Variants in OBSL1 observed in about 807,000 individuals in gnomAD.
OBSL1 encodes the protein obscurin like cytoskeletal adaptor 1.
OBSL1 carries 160 observed loss-of-function variants against 172.0 expected under a neutral mutation model. That is an observed-to-expected ratio of 0.93 (90% confidence interval 0.82 to 1.06). The LOEUF (loss-of-function observed/expected upper bound fraction) is 1.06, where lower values mean the gene tolerates loss of function less well. OBSL1 is among the 50% of genes least tolerant of loss of function. The pLI is 0.00. For missense variants in OBSL1, 2,681 were observed against 2,715.4 expected (o/e 0.99, Z 0.28); for synonymous variants, 1,200 against 1,196.3 (o/e 1.00, Z -0.06).
In OBSL1 at chr2:219,559,456, A is replaced by T; in HGVS notation, c.2995T>A (p.Leu999Met). 6.2e-7 allele frequency: 1 copy of T among 1,613,744 alleles called. No individual in the cohort carries two copies. Among genetic ancestry groups the T allele is most frequent in the Non-Finnish European group, 8.5e-7 (1 of 1,179,782 alleles). ...RIIYPRDEVTLIAVTLECVVL... is the reference protein window; with the variant it reads ...RIIYPRDEVTMIAVTLECVVL... ...ACACACTCCAAGGTCACGGCGATCA[A>T]GGTCACCTCATCGCGAGGGTATATG... Residue 999 changes from leucine (L) to methionine (M), a missense_variant, in exon 9 of 21, where the codon TTG (leucine) becomes ATG (methionine). By Grantham distance (15) the Leu-to-Met change is conservative (BLOSUM62 2). Around this residue, in one of 5 missense-constraint regions of OBSL1, gnomAD observed 1,765 missense variants for 1,748.3 expected, o/e 1.01. Coordinates refer to ENST00000404537, the MANE Select transcript of OBSL1 (RefSeq NM_015311.3).
Position 219,563,453 on chromosome 2 carries a change from T to A in OBSL1, c.2582A>T (p.His861Leu), listed in dbSNP as rs1278666318. 1 of 1,613,774 alleles carries A rather than the reference T, an allele frequency of 6.2e-7. No individual in the cohort carries two copies. ...GGTGGCGGGCAGCACCAGGCGGCGATGGGGCCCCTCATTCTCCAGCACCAC... is the reference window on the plus strand; with the variant it reads ...GGTGGCGGGCAGCACCAGGCGGCGAAGGGGCCCCTCATTCTCCAGCACCAC... ...DFVVLENEGP[H>L]RRLVLPATQP... Residue 861 changes from histidine (H) to leucine (L), a missense_variant, in exon 7 of 21, where the codon CAT becomes CTT. Coordinates refer to ENST00000404537, the MANE Select transcript of OBSL1 (RefSeq NM_015311.3).
At chr2:219,549,370 C>G (rs371506311), downstream of OBSL1, 2 of 1,601,442 alleles carry the variant, frequency 1.2e-6, no homozygotes, top group African/African-American at 2.7e-5. Flanking sequence ...CTCCCTGAGC[C>G]CATCCAGCCA....
At position 219,568,653 on chromosome 2, in the gene OBSL1, C is replaced by A. The variant is rs781668303; in HGVS notation, c.1013-329G>T. ...AACTGTTCCCTGGGGTCCTCCAGGC[C>A]CTAGATTGGTGATTTCCAAACTGTT... On this transcript the variant is annotated intron_variant, in intron 1 of 20. Coordinates refer to ENST00000404537, the MANE Select transcript of OBSL1 (RefSeq NM_015311.3). This position sits in a 1 kb window ranked among gnomAD's most constrained non-coding sequence, Gnocchi z 4.1. Among the ~76,000 whole-genome samples the A allele has an allele frequency of 1.3e-5, 2 of 152,126 alleles. No homozygotes were observed. The highest frequency in any genetic ancestry group is 2.9e-5 in the Non-Finnish European group (2 of 68,022).
chr2:219,549,435 G>A (rs563659458), downstream of OBSL1: 1 of 1,492,804 alleles, frequency 6.7e-7, no homozygotes, highest in African/African-American at 1.4e-5. Flanking sequence ...TTTCCCCACG[G>A]GCTGGTTGCT....
At position 219,556,233 on chromosome 2, in the gene OBSL1, C is replaced by T. The variant is rs1408776700; in HGVS notation, c.4396G>A (p.Val1466Met). ...QDVRAEEGQD[V>M]CLEVETGRVG... ...CGGCCTGTCTCCACTTCGAGACACA[C>T]ATCCTGGCCTTCCTCTGCCCGCACA... Residue 1466 changes from valine to methionine, a missense_variant, in exon 14 of 21, where the codon GTG (valine) becomes ATG (methionine). Physicochemically the swap from Val to Met is conservative, Grantham distance 21. This residue lies in a region of OBSL1 where 1,765 missense variants were observed against 1,748.3 expected (regional missense o/e 1.01). Transcript: ENST00000404537. 22 of 1,604,314 alleles carry T rather than the reference C, an allele frequency of 1.4e-5. No homozygotes were observed. The highest frequency in any genetic ancestry group is 5.5e-5 in the South Asian group (5 of 90,488).
intron 8 of OBSL1, chr2:219,561,699 G>A (rs956725561): frequency 9.9e-6 from 6 of 606,912 alleles, no homozygotes; most frequent in Non-Finnish European, 1.8e-5. Flanking sequence ...GGCCCTCACA[G>A]TACTTATCAC....
chr2:219,552,722 C>T (rs765358888), intron 17 of OBSL1, 25 bp from the exon 18 acceptor site: 3 of 1,512,842 alleles, frequency 2.0e-6, no homozygotes, highest in Non-Finnish European at 2.7e-6. Flanking sequence ...GGGGCGTGAG[C>T]GGGGCGGGGC....
In OBSL1 at chr2:219,570,927, C is replaced by T. The variant is rs1341515670; in HGVS notation, c.306G>A (p.Leu102=). ...EAYAAAAVTV[L]EPPASDPELQ... ...GCTCGGGGTCGGAGGCCGGCGGCTC[C>T]AGCACGGTGACGGCGGCCGCCGCGT... The change falls in exon 1 of 21, where the codon CTG becomes CTA. Residue 102 remains leucine, a synonymous_variant. Transcript: ENST00000404537. The T allele has an allele frequency of 2.7e-5, 35 of 1,287,634 alleles. No homozygotes were observed. The highest frequency in any genetic ancestry group is 3.2e-5 in the Non-Finnish European group (33 of 1,025,962). 79.8% of individuals were successfully genotyped at this position (1,287,634 alleles called of 1,614,324 possible). A position where few individuals can be genotyped will look rare whatever the true frequency, so the allele number is the denominator to read the frequency against.
downstream of OBSL1, chr2:219,548,094 A>G: frequency 1.3e-6 from 2 of 1,520,728 alleles, no homozygotes; most frequent in African/African-American, 1.4e-5. Context: ...AAGGGGGCAC[A>G]GGCCAAGGTG....
intron 7 of OBSL1, 129 bp downstream of exon 7, chr2:219,563,226 A>C: frequency 1.1e-6 from 1 of 878,868 alleles, no homozygotes; most frequent in Non-Finnish European, 1.7e-6. Context: ...GAAAGGGAGG[A>C]GGTCCGATCT....
Position 219,557,569 on chromosome 2 carries a change from C to CCGAACCCT in OBSL1, c.3832_3839dup (p.Ser1281GlyfsTer10). ...GCTCTAGGTCCCCGCCTGGGGTGCT[C>CCGAACCCT]CGAACCCTCGTCTGGGCTGCCTCGG... On this transcript the variant is annotated frameshift_variant, in exon 12 of 21. Transcript: ENST00000404537. LOFTEE classifies it high-confidence loss of function. 2 of 1,550,076 alleles carry CCGAACCCT rather than the reference C, an allele frequency of 1.3e-6. No homozygotes were observed. The highest frequency in any genetic ancestry group is 1.2e-5 in the South Asian group (1 of 84,064).
rs181913238 is a variant in OBSL1, at chr2:219,551,115, G to T, written c.5684-273C>A. Reference sequence around the variant, plus strand: ...AGGAAAGAAAGAGGCTTCTGCCAAGGCTGACATGGAACTTGCTGAGATGGG... The same window carrying T: ...AGGAAAGAAAGAGGCTTCTGCCAAGTCTGACATGGAACTTGCTGAGATGGG... On this transcript the variant is annotated intron_variant, in intron 20 of 20. Coordinates refer to ENST00000404537, the MANE Select transcript of OBSL1 (RefSeq NM_015311.3). 2.9e-6 allele frequency: 4 copies of T among 1,401,632 alleles called. No homozygotes were observed. In the Admixed American group the frequency reaches 8.8e-5, roughly 31 times the overall value. 86.8% of individuals were successfully genotyped at this position (1,401,632 alleles called of 1,614,324 possible). A position where few individuals can be genotyped will look rare whatever the true frequency, so the allele number is the denominator to read the frequency against.
rs1475175976 is a variant in OBSL1 at position 219,556,694 on chromosome 2, G to A, written c.4096C>T (p.Leu1366=). The change falls in exon 13 of 21, where the codon CTG becomes TTG. Residue 1366 remains leucine (L), a synonymous_variant. Transcript: ENST00000404537. ...CCCTCGTGGACAGTGAGTGGTGTCA[G>A]CTCCGAGACCAGCTTCACCAGCAGT... ...EPLLVKLVSE[L]TPLTVHEGDD... 1 of 1,607,570 alleles carries A rather than the reference G, an allele frequency of 6.2e-7. No homozygotes were observed. The highest frequency in any genetic ancestry group is 2.2e-5 in the East Asian group (1 of 44,698).
At chr2:219,552,463 C>T (rs1695694018) in intron 18 of OBSL1, 73 bp downstream of exon 18, 2 of 1,453,970 alleles carry the variant, frequency 1.4e-6, no homozygotes, top group Admixed American at 2.1e-5. Context: ...CGGGGCTTGT[C>T]CCGGTGGGGC....
chr2:219,567,243 T>C (rs753188535), intron 4 of OBSL1, 30 bp downstream of exon 4: 5 of 1,570,862 alleles, frequency 3.2e-6, no homozygotes, highest in Non-Finnish European at 4.3e-6. Context: ...GGAGGAGAAG[T>C]GATGGGTGGG....
Position 219,570,466 on chromosome 2 carries a change from C to G in OBSL1, c.767G>C (p.Trp256Ser), listed in dbSNP as rs758669839. 1.2e-6 allele frequency: 2 copies of G among 1,612,880 alleles called. No homozygotes were observed. The highest frequency in any genetic ancestry group is 8.5e-7 in the Non-Finnish European group (1 of 1,179,558). Residue 256 changes from tryptophan to serine, a missense_variant, in exon 1 of 21, where the codon TGG becomes TCG. Trp to Ser is a radical substitution (Grantham distance 177). Transcript: ENST00000404537. Reference sequence around the variant, plus strand: ...CTTGGCGTGCTTGCCCTCGTTCACCCAGAAGGTCTTAGGCGCGCACTTGAG... The same window carrying G: ...CTTGGCGTGCTTGCCCTCGTTCACCGAGAAGGTCTTAGGCGCGCACTTGAG... ...EPLKCAPKTF[W>S]VNEGKHAKFR... is the part of the protein sequence containing the mutation.
At position 219,555,795 on chromosome 2, in the gene OBSL1, T is replaced by G. The variant is rs1431989880; in HGVS notation, c.4609+225A>C. 7.9e-6 allele frequency: 11 copies of G among 1,388,260 alleles called. No homozygotes were observed. In the Admixed American group the frequency reaches 2.8e-4, roughly 35 times the overall value. 86.0% of individuals were successfully genotyped at this position (1,388,260 alleles called of 1,614,324 possible). A position where few individuals can be genotyped will look rare whatever the true frequency, so the allele number is the denominator to read the frequency against. ...TATTTGTGTTTATAGCAAAGCCGACTTGGAAATATGCAATGGAATGCAAAA... is the reference window on the plus strand; with the variant it reads ...TATTTGTGTTTATAGCAAAGCCGACGTGGAAATATGCAATGGAATGCAAAA... On this transcript the variant is annotated intron_variant, in intron 14 of 20. Coordinates refer to ENST00000404537, the MANE Select transcript of OBSL1 (RefSeq NM_015311.3).
chr2:219,566,383 A>G (rs1269928618), intron 5 of OBSL1, among the ~76,000 whole-genome samples: 1 of 152,190 alleles, frequency 6.6e-6, no homozygotes, highest in East Asian at 1.9e-4. Context: ...TATCTCAAAA[A>G]AAAAAAAAGA....
Position 219,551,772 on chromosome 2 carries a change from G to C in OBSL1, c.5440C>G (p.Pro1814Ala), listed in dbSNP as rs575703374. ...EALPLQMCRH[P>A]PREKTVLVGR... Reference sequence around the variant, plus strand: ...ACCAGAACGGTCTTCTCGCGAGGGGGGTGGCGGCACATCTGGAGAGGCAAT... The same window carrying C: ...ACCAGAACGGTCTTCTCGCGAGGGGCGTGGCGGCACATCTGGAGAGGCAAT... Residue 1814 changes from proline (P) to alanine (A), a missense_variant, in exon 20 of 21, where the codon CCC becomes GCC. Coordinates refer to ENST00000404537, the MANE Select transcript of OBSL1 (RefSeq NM_015311.3). 6.3e-7 allele frequency: 1 copy of C among 1,591,610 alleles called. No individual in the cohort carries two copies. The highest frequency in any genetic ancestry group is 1.7e-5 in the Admixed American group (1 of 59,556).
Sources: allele counts gnomAD v4.1 joint callset (sites outside exome capture counted in the v4.1 genomes callset), GRCh38; gene constraint gnomAD v4.1.1; regional missense constraint gnomAD v4.1.1; non-coding constraint Gnocchi (gnomAD v3.1); transcripts MANE v1.5; gene names NCBI Gene and HGNC (gene_info 2026-07-23, HGNC 2026-07-21).